The following MTAP variants were observed in gnomAD, a reference collection of about 807,000 sequenced individuals.
MTAP encodes the protein methylthioadenosine phosphorylase.
A neutral mutation model predicts 33.6 loss-of-function variants in MTAP; 33 were observed. The ratio of observed to expected loss-of-function variants is 0.98; its 90% confidence interval spans 0.74 to 1.31. MTAP has a LOEUF of 1.31. Among genes scored for constraint, MTAP ranks in the 40% most tolerant of loss-of-function variants. MTAP has a pLI of 0.00. For missense variants in MTAP, 367 were observed against 360.0 expected (o/e 1.02, Z -0.16); for synonymous variants, 148 against 125.7 (o/e 1.18, Z -1.19).
At chr9:21,898,010 C>A (rs1280241045) in intron 1 of MTAP, among the ~76,000 whole-genome samples, 1 of 152,178 alleles carries the variant, frequency 6.6e-6, no homozygotes, top group African/African-American at 2.4e-5. Context: ...ACCAAAACAG[C>A]ATGGTACTGG....
At chr9:21,910,889 C>T (rs939665127) in intron 1 of MTAP, among the ~76,000 whole-genome samples, 1 of 151,962 alleles carries the variant, frequency 6.6e-6, no homozygotes, top group Non-Finnish European at 1.5e-5. Flanking sequence ...CTCACCGCCT[C>T]TAAGAAATTG....
downstream of MTAP, among the ~76,000 whole-genome samples, chr9:21,871,639 ATC>A (rs1563854982): frequency 1.3e-5 from 2 of 152,276 alleles, no homozygotes; most frequent in Admixed American, 6.5e-5. Flanking sequence ...AAATTTATAA[ATC>A]TATGAAATTT....
At chr9:21,807,447 A>G (rs1433055977) in intron 1 of MTAP, among the ~76,000 whole-genome samples, 1 of 151,816 alleles carries the variant, frequency 6.6e-6, no homozygotes, top group Non-Finnish European at 1.5e-5. Flanking sequence ...ACAAGCCTTC[A>G]TTTTTTTTGC....
intron 1 of MTAP, among the ~76,000 whole-genome samples, chr9:21,920,710 C>G (rs1818774974): frequency 6.6e-6 from 1 of 152,122 alleles, no homozygotes; most frequent in Non-Finnish European, 1.5e-5. Flanking sequence ...GGTAAACATG[C>G]CTTGGAAGCC....
intron 5 of MTAP, among the ~76,000 whole-genome samples, chr9:21,854,323 A>T (rs1825584644): frequency 6.6e-6 from 1 of 152,234 alleles, no homozygotes; most frequent in South Asian, 2.1e-4. Flanking sequence ...AAAGTTGTTA[A>T]GAAGCAAATG....
At chr9:21,827,744 A>C (rs1824858831) in intron 4 of MTAP, among the ~76,000 whole-genome samples, 1 of 152,218 alleles carries the variant, frequency 6.6e-6, no homozygotes, top group Non-Finnish European at 1.5e-5. Flanking sequence ...GCTTGAACAT[A>C]GTCATTTGAA....
chr9:21,910,425 G>T (rs1818552979), intron 1 of MTAP, among the ~76,000 whole-genome samples: 1 of 152,096 alleles, frequency 6.6e-6, no homozygotes, highest in Non-Finnish European at 1.5e-5. Context: ...CATTAAATGG[G>T]GTGGTCACTA....
chr9:21,841,101 C>T (rs1825231987), intron 5 of MTAP, among the ~76,000 whole-genome samples: 1 of 152,184 alleles, frequency 6.6e-6, no homozygotes, highest in Non-Finnish European at 1.5e-5. Flanking sequence ...GCAAGCCCTG[C>T]CCAAGAAGAG....
At chr9:21,874,709 T>A (rs76559488) in intron 1 of MTAP, among the ~76,000 whole-genome samples, 10 of 144,414 alleles carry the variant, frequency 6.9e-5, no homozygotes, top group African/African-American at 1.8e-4. Flanking sequence ...TTTTTTTTTT[T>A]AATTATACTT....
At chr9:21,903,004 C>G (rs1007797294) in intron 1 of MTAP, among the ~76,000 whole-genome samples, 3 of 152,124 alleles carry the variant, frequency 2.0e-5, no homozygotes, top group Non-Finnish European at 4.4e-5. Flanking sequence ...TATAAAAAGG[C>G]ATTGTGGAAA....
At position 21,876,217 on chromosome 9, in the gene MTAP, G is replaced by T. The variant is rs574695757; in HGVS notation, c.147+21347G>T. Among the ~76,000 whole-genome samples the T allele has an allele frequency of 7.1e-4, 106 of 150,036 alleles. No individual in the cohort carries two copies. The South Asian group carries it at 0.012, about 16-fold the overall frequency. On this transcript the variant is annotated intron_variant, in intron 1 of 1. Transcript: ENST00000577563. Reference sequence around the variant, plus strand: ...TATCCTTTGCCCACTTTTAAATGGGGTTTTTTTTTCTTGTAAATTTGTTTA... The same window carrying T: ...TATCCTTTGCCCACTTTTAAATGGGTTTTTTTTTTCTTGTAAATTTGTTTA...
chr9:21,873,029 C>G (rs1825958761), intron 1 of MTAP, among the ~76,000 whole-genome samples: 1 of 152,072 alleles, frequency 6.6e-6, no homozygotes, highest in Non-Finnish European at 1.5e-5. Flanking sequence ...TTACTAGAGC[C>G]CTCTTCCTAT....
intron 1 of MTAP, chr9:21,892,863 C>T (rs1040864800): frequency 2.0e-5 from 3 of 152,168 alleles, no homozygotes; most frequent in African/African-American, 7.2e-5. Flanking sequence ...CTAAAATGAA[C>T]CACATCTTGA....
At chr9:21,830,768 G>T (rs2118233564) in intron 4 of MTAP, among the ~76,000 whole-genome samples, 1 of 152,258 alleles carries the variant, frequency 6.6e-6, no homozygotes, top group Middle Eastern at 3.4e-3. Context: ...CCTCATAAAA[G>T]AGTCAAAGTA....
At chr9:21,873,217 T>C (rs573554675) in intron 1 of MTAP, among the ~76,000 whole-genome samples, 1 of 152,342 alleles carries the variant, frequency 6.6e-6, no homozygotes, top group South Asian at 2.1e-4. Context: ...GGCAGTTATT[T>C]ACTTTGTTTT....
rs191702937 is a variant in MTAP, at chr9:21,918,439, A to T, written c.148-12569A>T. On this transcript the variant is annotated intron_variant, in intron 1 of 1. Transcript: ENST00000577563. The stretch of plus-strand genomic sequence containing the variant: ...TGGAGGGGTTAAGGGATAAGAGAAT[A>T]TTGGGTACAGTATAAACTGCTTGGG... Among the ~76,000 whole-genome samples, 126 of 148,552 alleles carry T rather than the reference A, an allele frequency of 8.5e-4. 2 individuals are homozygous for T. Among genetic ancestry groups the T allele is most frequent in the Admixed American group, 7.3e-3 (110 of 15,062 alleles).
At chr9:21,813,048 A>G (rs1824389565) in intron 1 of MTAP, among the ~76,000 whole-genome samples, 1 of 152,250 alleles carries the variant, frequency 6.6e-6, no homozygotes, top group African/African-American at 2.4e-5. Context: ...CAGTTACTTT[A>G]TAACTAAGGC....
chr9:21,882,622 A>C (rs1818033085), intron 1 of MTAP, among the ~76,000 whole-genome samples: 1 of 151,408 alleles, frequency 6.6e-6, no homozygotes, highest in Non-Finnish European at 1.5e-5. Flanking sequence ...TGAACAACAT[A>C]ATTATCAAAC....
At chr9:21,910,792 T>C (rs560596185) in intron 1 of MTAP, among the ~76,000 whole-genome samples, 50 of 152,130 alleles carry the variant, frequency 3.3e-4, no homozygotes, top group African/African-American at 1.1e-3. Context: ...AACTCCAGAG[T>C]ATTTCCATCG....
Sources: gnomAD v4.1 joint callset for allele counts (sites outside exome capture counted in the v4.1 genomes callset) on GRCh38, gnomAD v4.1.1 for gene constraint, MANE v1.5 for transcripts, NCBI Gene and HGNC (gene_info 2026-07-23, HGNC 2026-07-21) for gene names.